The following NAV3 variants were observed in gnomAD, a reference collection of about 807,000 sequenced individuals.
NAV3 encodes neuron navigator 3.
Under a neutral mutation model 244.7 loss-of-function variants are expected in NAV3, and 87 were observed. The observed-to-expected ratio is 0.36, with a 90% CI of 0.30 to 0.42. The LOEUF is 0.42. Among genes scored for constraint, NAV3 ranks in the 20% least tolerant of loss-of-function variants. NAV3 has a pLI of 1.00. For synonymous variants in NAV3, 1,126 were observed against 1,042.2 expected (o/e 1.08, Z -1.55); for missense variants, 2,663 against 2,893.3 (o/e 0.92, Z 1.83).
chr12:77,679,655 C>T (rs1874361413), intron 2 of NAV3, among the ~76,000 whole-genome samples: 1 of 152,064 alleles, frequency 6.6e-6, no homozygotes, highest in Non-Finnish European at 1.5e-5. Context: ...GGAGATGGGA[C>T]TGGGGAGCAC....
intron 1 of NAV3, among the ~76,000 whole-genome samples, chr12:77,908,417 G>A (rs1402759412): frequency 6.6e-6 from 1 of 151,968 alleles, no homozygotes; most frequent in Non-Finnish European, 1.5e-5. Flanking sequence ...ATATAAAATG[G>A]TTTCCAAATG....
chr12:78,145,561 G>A (rs573575730), intron 20 of NAV3, among the ~76,000 whole-genome samples: 32 of 152,286 alleles, frequency 2.1e-4, no homozygotes, highest in African/African-American at 7.2e-4. Flanking sequence ...GAATAAGGGA[G>A]CTTCCCAAAT....
intron 2 of NAV3, among the ~76,000 whole-genome samples, chr12:77,685,650 C>T (rs1007452146): frequency 2.6e-5 from 4 of 152,066 alleles, no homozygotes; most frequent in Admixed American, 6.5e-5. Flanking sequence ...TCATCTCCAC[C>T]CAGCAAGCCT....
intron 2 of NAV3, among the ~76,000 whole-genome samples, chr12:77,628,879 C>T (rs989832018): frequency 1.4e-4 from 20 of 141,394 alleles, no homozygotes; most frequent in African/African-American, 4.2e-4. Flanking sequence ...CCAGCCTGGG[C>T]GATGGGAGTG....
chr12:77,628,626 G>A (rs1039714465), intron 2 of NAV3, among the ~76,000 whole-genome samples: 6 of 152,024 alleles, frequency 3.9e-5, no homozygotes, highest in Non-Finnish European at 7.4e-5. Context: ...GCTCTTGCCT[G>A]TAATTCCAGC....
At chr12:77,970,959 T>C (rs1892951038) in intron 5 of NAV3, among the ~76,000 whole-genome samples, 1 of 152,226 alleles carries the variant, frequency 6.6e-6, no homozygotes, top group South Asian at 2.1e-4. Context: ...GGAATATCAT[T>C]TGACATTGCT....
At chr12:77,951,915 T>C (rs763871062) in intron 3 of NAV3, among the ~76,000 whole-genome samples, 4 of 151,898 alleles carry the variant, frequency 2.6e-5, no homozygotes, top group Admixed American at 6.6e-5. Flanking sequence ...CCAGGGTCTG[T>C]CGTGGGGCAG....
intron 2 of NAV3, among the ~76,000 whole-genome samples, chr12:77,751,455 G>A (rs919519821): frequency 5.3e-5 from 8 of 152,024 alleles, no homozygotes; most frequent in East Asian, 3.9e-4. Flanking sequence ...TAATGGGGGC[G>A]GTTACCCTCA....
rs144372053 is a variant in NAV3, at chr12:77,831,465, C to G, written c.4C>G (p.Pro2Ala). Residue 2 changes from proline to alanine, a missense_variant, in exon 1 of 40, where the codon CCT becomes GCT. Pro to Ala is a conservative substitution (Grantham distance 27). Around this residue, in one of 6 missense-constraint regions of NAV3, gnomAD observed 1,521 missense variants for 1,497.0 expected, o/e 1.02. Coordinates refer to ENST00000397909, the MANE Select transcript of NAV3 (RefSeq NM_001024383.2). M[P>A]VLGVASKLRQ... The stretch of plus-strand genomic sequence containing the variant: ...AGAAGATAATTTTATAGAAGCCATG[C>G]CTGTTCTTGGGGTTGCCTCAAAACT... 6.2e-7 allele frequency: 1 copy of G among 1,600,564 alleles called. No individual in the cohort carries two copies. Among genetic ancestry groups the G allele is most frequent in the Non-Finnish European group, 8.5e-7 (1 of 1,175,218 alleles).
chr12:78,046,661 A>G (rs1050963030), intron 9 of NAV3, among the ~76,000 whole-genome samples: 1 of 152,156 alleles, frequency 6.6e-6, no homozygotes, highest in Non-Finnish European at 1.5e-5. Flanking sequence ...TTATGTGATC[A>G]GTTTTAGAAT....
chr12:77,925,587 A>G (rs966299601), intron 1 of NAV3, among the ~76,000 whole-genome samples: 1 of 152,066 alleles, frequency 6.6e-6, no homozygotes, highest in East Asian at 1.9e-4. Context: ...CTAAGTCTCC[A>G]TGCTCTCTTA....
rs143577453 is a variant in NAV3 at position 78,076,103 on chromosome 12, G to A, written c.2636+16988G>A. ...GTTTTCCCAATCTGAGCATCCTGGC[G>A]TCTGGCACACAGGCTTACCTTATCT... On this transcript the variant is annotated intron_variant, in intron 12 of 39. Coordinates refer to ENST00000397909, the MANE Select transcript of NAV3 (RefSeq NM_001024383.2). 2.8e-3 allele frequency among the ~76,000 whole-genome samples: 427 copies of A among 152,104 alleles called. 3 individuals carry two copies. Among genetic ancestry groups the A allele is most frequent in the African/African-American group, 9.1e-3 (377 of 41,474 alleles).
rs1677884 is a variant in NAV3 at position 77,994,940 on chromosome 12, C to G, written c.740+69C>G. 6 of 1,178,662 alleles carry G rather than the reference C, an allele frequency of 5.1e-6. No homozygotes were observed. The African/African-American group carries it at 6.3e-5, about 12-fold the overall frequency. 73.0% of individuals were successfully genotyped at this position (1,178,662 alleles called of 1,614,324 possible). A position where few individuals can be genotyped will look rare whatever the true frequency, so the allele number is the denominator to read the frequency against. ...AATAAATACCCAGTGATATTTTGTC[C>G]TATCTTTTTTTTTTAATGATGCACT... is the stretch of plus-strand genomic sequence containing the variant. On this transcript the variant is annotated intron_variant, in intron 6 of 39. Transcript: ENST00000397909.
chr12:78,074,750 A>T (rs1478865194), intron 12 of NAV3, among the ~76,000 whole-genome samples: 1 of 152,170 alleles, frequency 6.6e-6, no homozygotes, highest in Non-Finnish European at 1.5e-5. Context: ...CGCAAGACAG[A>T]ATTAGTATTC....
intron 12 of NAV3, among the ~76,000 whole-genome samples, chr12:78,080,571 T>G (rs1436398797): frequency 6.6e-6 from 1 of 152,202 alleles, no homozygotes; most frequent in Non-Finnish European, 1.5e-5. Flanking sequence ...CAGTATTGAT[T>G]ATGACTTTTA....
At chr12:77,942,293 A>T (rs1269469334) in intron 3 of NAV3, among the ~76,000 whole-genome samples, 1 of 152,104 alleles carries the variant, frequency 6.6e-6, no homozygotes, top group Non-Finnish European at 1.5e-5. Flanking sequence ...AATCGCTTGA[A>T]CCAGGGAGGC....
chr12:78,175,790 G>C (rs1243696285), intron 25 of NAV3, among the ~76,000 whole-genome samples: 1 of 137,602 alleles, frequency 7.3e-6, no homozygotes, highest in Non-Finnish European at 1.6e-5. Flanking sequence ...TATAACTATA[G>C]AGTTATACTA....
chr12:78,155,094 G>A, intron 22 of NAV3, among the ~76,000 whole-genome samples: 1 of 151,998 alleles, frequency 6.6e-6, no homozygotes. Context: ...ATATGCCATA[G>A]TGATTTGCTG....
intron 2 of NAV3, among the ~76,000 whole-genome samples, chr12:77,765,530 G>A (rs1299472076): frequency 5.3e-5 from 8 of 152,142 alleles, no homozygotes; most frequent in Non-Finnish European, 1.2e-4. Flanking sequence ...CTCAGTTAAG[G>A]TGATTTTTAA....
Sources: allele counts gnomAD v4.1 joint callset (sites outside exome capture counted in the v4.1 genomes callset), GRCh38; gene constraint gnomAD v4.1.1; regional missense constraint gnomAD v4.1.1; transcripts MANE v1.5; gene names NCBI Gene and HGNC (gene_info 2026-07-23, HGNC 2026-07-21).